MINDY3: variants seen among roughly 807,000 people sequenced by gnomAD.
MINDY3 encodes MINDY lysine 48 deubiquitinase 3, also known as ubiquitin carboxyl-terminal hydrolase MINDY-3.
Under a neutral mutation model 69.2 loss-of-function variants are expected in MINDY3, and 38 were observed. That is an observed-to-expected ratio of 0.55 (90% CI 0.42 to 0.72). The LOEUF is 0.72. MINDY3 is among the 30% of genes least tolerant of loss of function. The pLI, the probability that MINDY3 is intolerant of heterozygous loss-of-function variation, is 0.00. For missense variants in MINDY3, 522 were observed against 519.0 expected, an observed-to-expected ratio of 1.01 and a Z score of -0.06; for synonymous variants, 192 against 180.1, an observed-to-expected ratio of 1.07 and a Z score of -0.53.
chr10:15,843,609 G>A (rs979841362), intron 2 of MINDY3, among the ~76,000 whole-genome samples: 1 of 151,996 alleles, frequency 6.6e-6, no homozygotes, highest in Non-Finnish European at 1.5e-5. Context: ...TGTAGAACAC[G>A]AACAAGTCTA....
intron 8 of MINDY3, among the ~76,000 whole-genome samples, chr10:15,830,736 A>C (rs1336682384): frequency 6.6e-6 from 1 of 152,210 alleles, no homozygotes; most frequent in African/African-American, 2.4e-5. Context: ...GGTAGGAAAA[A>C]GGCTACGATT....
chr10:15,815,676 G>T (rs563519188), intron 10 of MINDY3, among the ~76,000 whole-genome samples: 1 of 152,162 alleles, frequency 6.6e-6, no homozygotes, highest in South Asian at 2.1e-4. Context: ...TGATGATGAT[G>T]ATGATGATGA....
chr10:15,834,430 T>C (rs1832940895), intron 7 of MINDY3, 113 bp downstream of exon 7: 1 of 673,352 alleles, frequency 1.5e-6, no homozygotes, highest in Admixed American at 2.5e-5. Context: ...ATACATGTTG[T>C]ACTGTCAACA....
chr10:15,841,128 A>T (rs780572286), intron 4 of MINDY3, among the ~76,000 whole-genome samples: 1 of 151,480 alleles, frequency 6.6e-6, no homozygotes, highest in Non-Finnish European at 1.5e-5. Context: ...ACTGAAGCAT[A>T]TCATTATTTC....
intron 10 of MINDY3, among the ~76,000 whole-genome samples, chr10:15,804,787 GA>G (rs1838515932): frequency 6.6e-6 from 1 of 152,226 alleles, no homozygotes; most frequent in African/African-American, 2.4e-5. Context: ...TCAAAACACA[GA>G]ACGTCATTAG....
chr10:15,830,505 C>T (rs1840383769), intron 8 of MINDY3, among the ~76,000 whole-genome samples: 2 of 152,224 alleles, frequency 1.3e-5, no homozygotes, highest in African/African-American at 2.4e-5. Context: ...CTTAATGATA[C>T]ACTGCCTCTT....
At chr10:15,857,588 A>T (rs1022492923) in intron 1 of MINDY3, among the ~76,000 whole-genome samples, 39 of 151,684 alleles carry the variant, frequency 2.6e-4, no homozygotes, top group African/African-American at 9.0e-4. Context: ...AAGCAGAGAG[A>T]AGAATAAATT....
chr10:15,836,069 G>A (rs1409784512), intron 6 of MINDY3, among the ~76,000 whole-genome samples: 1 of 152,000 alleles, frequency 6.6e-6, no homozygotes, highest in African/African-American at 2.4e-5. Flanking sequence ...AGTGTACATA[G>A]AAAGGTCTTC....
At chr10:15,818,512 C>A (rs999705671) in intron 9 of MINDY3, among the ~76,000 whole-genome samples, 7 of 151,890 alleles carry the variant, frequency 4.6e-5, no homozygotes, top group Non-Finnish European at 7.4e-5. Flanking sequence ...TGGGTATATA[C>A]AAAGAGAAAT....
chr10:15,833,696 T>C lies in MINDY3; in HGVS notation c.664A>G (p.Asn222Asp), dbSNP rs1157250128. ...ACAGCATGTCCCGTCAGCAGGAGAT[T>C]AATTAAACTTTGGCTATTAATAAAT... ...VYGHGSQSLI[N>D]LLLTGHAVSN... Residue 222 changes from asparagine (N) to aspartate (D), a missense_variant, in exon 8 of 15, where the codon AAT becomes GAT. Physicochemically the swap from Asn to Asp is conservative, Grantham distance 23. Transcript: ENST00000277632. 2 of 1,608,516 alleles carry C rather than the reference T, an allele frequency of 1.2e-6. No individual in the cohort carries two copies. The highest frequency in any genetic ancestry group is 1.7e-6 in the Non-Finnish European group (2 of 1,175,454).
chr10:15,848,313 C>T (rs1226668977), intron 1 of MINDY3, among the ~76,000 whole-genome samples: 1 of 152,140 alleles, frequency 6.6e-6, no homozygotes, highest in Non-Finnish European at 1.5e-5. Flanking sequence ...TCATTTCAAA[C>T]TTTCTGTCAC....
intron 10 of MINDY3, among the ~76,000 whole-genome samples, chr10:15,805,016 AAC>A (rs1440229661): frequency 3.3e-5 from 5 of 152,162 alleles, no homozygotes; most frequent in South Asian, 2.1e-4. Flanking sequence ...TTCCTCTAGA[AAC>A]ACAGACTCTA....
intron 1 of MINDY3, among the ~76,000 whole-genome samples, chr10:15,854,944 T>C (rs1205021331): frequency 6.6e-6 from 1 of 152,094 alleles, no homozygotes; most frequent in Non-Finnish European, 1.5e-5. Context: ...GCTCTTCTAC[T>C]GAGAATAAGG....
rs1053965132 is a variant in MINDY3 at position 15,778,631 on chromosome 10, A to T, written c.*361T>A. On this transcript the variant is annotated 3_prime_UTR_variant, in exon 15 of 15. Transcript: ENST00000277632. ...AAACAATAAAAAAAGTGCCTCAATGAAATAAAACCCAAAAGTAGTTTATCA... is the reference window on the plus strand; with the variant it reads ...AAACAATAAAAAAAGTGCCTCAATGTAATAAAACCCAAAAGTAGTTTATCA... 6.2e-6 allele frequency: 1 copy of T among 160,358 alleles called. No homozygotes were observed. The highest frequency in any genetic ancestry group is 1.8e-4 in the East Asian group (1 of 5,548). The allele number at this position is 160,358 out of a possible 1,614,324, so 9.9% of individuals were successfully genotyped here.
intron 10 of MINDY3, among the ~76,000 whole-genome samples, chr10:15,801,438 G>A (rs943011159): frequency 7.9e-5 from 12 of 152,050 alleles, no homozygotes; most frequent in African/African-American, 2.7e-4. Flanking sequence ...CTGTGTACCT[G>A]AAGTTACCTA....
chr10:15,812,127 A>T (rs1839043795), intron 10 of MINDY3, among the ~76,000 whole-genome samples: 1 of 151,960 alleles, frequency 6.6e-6, no homozygotes. Context: ...TTCTTAGTAG[A>T]GATGGGTTTT....
At chr10:15,781,098 A>G (rs760331963) in intron 14 of MINDY3, among the ~76,000 whole-genome samples, 1 of 152,202 alleles carries the variant, frequency 6.6e-6, no homozygotes, top group Non-Finnish European at 1.5e-5. Context: ...TTCGCACATT[A>G]GAAAACAACA....
Position 15,860,493 on chromosome 10 carries a change from T to C in MINDY3, c.-194A>G, listed in dbSNP as rs1835024656. The C allele has an allele frequency of 3.3e-6, 2 of 601,446 alleles. No homozygotes were observed. Among genetic ancestry groups the C allele is most frequent in the South Asian group, 2.0e-5 (1 of 49,908 alleles). 37.3% of individuals were successfully genotyped at this position (601,446 alleles called of 1,614,324 possible). On this transcript the variant is annotated 5_prime_UTR_variant, in exon 1 of 15. Coordinates refer to ENST00000277632, the MANE Select transcript of MINDY3 (RefSeq NM_024948.4). ...AGCCAGGTTGGGGCAGCAGCGAGTT[T>C]TCCGTACCGGAAGTGCTGGTGCCAC...
At chr10:15,829,446 C>T (rs1006157125) in intron 8 of MINDY3, among the ~76,000 whole-genome samples, 4 of 152,118 alleles carry the variant, frequency 2.6e-5, no homozygotes, top group Non-Finnish European at 5.9e-5. Flanking sequence ...TAAATTTCTC[C>T]TAGTTAATCG....
Sources: allele counts gnomAD v4.1 joint callset (sites outside exome capture counted in the v4.1 genomes callset), GRCh38; gene constraint gnomAD v4.1.1; transcripts MANE v1.5; gene names NCBI Gene and HGNC (gene_info 2026-07-23, HGNC 2026-07-21).